Variants in MSI2 observed in about 807,000 individuals in gnomAD.
The protein encoded by MSI2 is musashi RNA binding protein 2.
A neutral mutation model predicts 45.6 loss-of-function variants in MSI2; 17 were observed. The observed-to-expected ratio is 0.37, with a 90% CI of 0.26 to 0.56. MSI2 has a LOEUF of 0.56. MSI2 is among the 20% of genes least tolerant of loss of function. The probability of loss-of-function intolerance (pLI) is 0.77; values close to 1 mark genes in which losing one functional copy is unlikely to be tolerated. For synonymous variants in MSI2, 156 were observed against 158.2 expected, an observed-to-expected ratio of 0.99 and a Z score of 0.11; for missense variants, 293 against 444.2, an observed-to-expected ratio of 0.66 and a Z score of 3.06.
At chr17:57,570,958 C>T (rs555983884) in intron 7 of MSI2, among the ~76,000 whole-genome samples, 9 of 152,284 alleles carry the variant, frequency 5.9e-5, no homozygotes, top group Admixed American at 1.3e-4. Flanking sequence ...GCAGCAGTGA[C>T]GGCCTCTGGG....
At chr17:57,299,064 C>A (rs1911215967) in intron 5 of MSI2, among the ~76,000 whole-genome samples, 1 of 152,214 alleles carries the variant, frequency 6.6e-6, no homozygotes, top group Admixed American at 6.5e-5. Context: ...TGGCTTCTTT[C>A]CTTAAATCTC....
chr17:57,438,229 C>A (rs1359814381), intron 6 of MSI2, among the ~76,000 whole-genome samples: 1 of 152,064 alleles, frequency 6.6e-6, no homozygotes, highest in Non-Finnish European at 1.5e-5. Flanking sequence ...GGATGGGGTC[C>A]CCACAGCAAG....
chr17:57,602,768 G>A (rs1208296847), intron 8 of MSI2, among the ~76,000 whole-genome samples: 2 of 152,208 alleles, frequency 1.3e-5, no homozygotes, highest in Non-Finnish European at 2.9e-5. Flanking sequence ...GTCTTGGAAT[G>A]AGAGGTCTGG....
intron 5 of MSI2, among the ~76,000 whole-genome samples, chr17:57,354,274 T>C (rs781586308): frequency 3.3e-5 from 5 of 152,118 alleles, no homozygotes; most frequent in Non-Finnish European, 7.4e-5. Flanking sequence ...GTGATGTTAG[T>C]TTTGGTGTGG....
chr17:57,424,417 C>G (rs1007512449), intron 6 of MSI2, among the ~76,000 whole-genome samples: 1 of 152,234 alleles, frequency 6.6e-6, no homozygotes, highest in Non-Finnish European at 1.5e-5. Context: ...TGGGGCTTAA[C>G]AGAGGCACAG....
At chr17:57,608,207 C>T (rs989284994) in intron 8 of MSI2, 1 of 152,554 alleles carries the variant, frequency 6.6e-6, no homozygotes, top group African/African-American at 2.4e-5. Flanking sequence ...CACCAACCCC[C>T]TAGCCCCTTA....
At chr17:57,452,158 C>T (rs1401331530) in intron 6 of MSI2, among the ~76,000 whole-genome samples, 1 of 152,206 alleles carries the variant, frequency 6.6e-6, no homozygotes, top group African/African-American at 2.4e-5. Context: ...CCAGTTTGGC[C>T]GGCTTCCCTA....
chr17:57,578,174 GA>G (rs1405261529), intron 7 of MSI2, among the ~76,000 whole-genome samples: 3 of 151,820 alleles, frequency 2.0e-5, no homozygotes, highest in African/African-American at 7.3e-5. Context: ...AAAGCTTTAA[GA>G]ATCTATAAAT....
intron 10 of MSI2, among the ~76,000 whole-genome samples, chr17:57,643,233 C>T (rs986862320): frequency 6.6e-6 from 1 of 152,194 alleles, no homozygotes; most frequent in Non-Finnish European, 1.5e-5. Context: ...TGGAGCACCC[C>T]CTACGAGTGG....
chr17:57,380,109 C>T lies in MSI2; in HGVS notation c.313-21270C>T, dbSNP rs141477929. Among the ~76,000 whole-genome samples the T allele has an allele frequency of 2.0e-5, 3 of 152,104 alleles. No individual in the cohort carries two copies. In the East Asian group the frequency reaches 5.8e-4, roughly 29 times the overall value. On this transcript the variant is annotated intron_variant, in intron 5 of 13. Coordinates refer to ENST00000284073, the MANE Select transcript of MSI2 (RefSeq NM_138962.4). Reference sequence around the variant, plus strand: ...GCTAGGGGGTGGGAGGAGGATGAACCCCAGCCAATGCCAGGATGACTGTTT... The same window carrying T: ...GCTAGGGGGTGGGAGGAGGATGAACTCCAGCCAATGCCAGGATGACTGTTT...
intron 6 of MSI2, among the ~76,000 whole-genome samples, chr17:57,409,154 T>C (rs1598229871): frequency 6.6e-6 from 1 of 152,224 alleles, no homozygotes; most frequent in East Asian, 1.9e-4. Context: ...AAAATGTTAA[T>C]ATGCAGGAAG....
intron 10 of MSI2, among the ~76,000 whole-genome samples, chr17:57,649,524 GACACACATACACTTAACACATACCCA>G (rs993917068): frequency 2.0e-5 from 3 of 151,582 alleles, no homozygotes; most frequent in African/African-American, 4.9e-5. Flanking sequence ...ACATACACCT[GACACACATACACTTAACACATACCCA>G]ACACACATAC....
In MSI2 at chr17:57,627,216, C is replaced by G. The variant is rs752318734; in HGVS notation, c.653-13C>G. ...GTACTAACAGGACTCTGATCTTTCTCTTTGTGTTCAAGGATATCCCAACTT... is the reference window on the plus strand; with the variant it reads ...GTACTAACAGGACTCTGATCTTTCTGTTTGTGTTCAAGGATATCCCAACTT... On this transcript the variant is annotated splice_polypyrimidine_tract_variant and intron_variant, in intron 9 of 13. Coordinates refer to ENST00000284073, the MANE Select transcript of MSI2 (RefSeq NM_138962.4). The surrounding 1 kb of genome is among the most constrained non-coding windows in gnomAD (Gnocchi z 4.6). 3 of 1,614,108 alleles carry G rather than the reference C, an allele frequency of 1.9e-6. No individual in the cohort carries two copies. In the South Asian group the frequency reaches 3.3e-5, roughly 18 times the overall value.
chr17:57,437,479 A>G (rs565842211), intron 6 of MSI2, among the ~76,000 whole-genome samples: 1 of 152,250 alleles, frequency 6.6e-6, no homozygotes, highest in South Asian at 2.1e-4. Context: ...AATAGGATGG[A>G]TTGGGGGTTG....
At chr17:57,502,829 A>G (rs1288156679) in intron 6 of MSI2, among the ~76,000 whole-genome samples, 1 of 151,644 alleles carries the variant, frequency 6.6e-6, no homozygotes, top group Non-Finnish European at 1.5e-5. Flanking sequence ...CTCTGACCTT[A>G]CAGCCCACCC....
At chr17:57,287,274 G>T (rs1909995411) in intron 5 of MSI2, among the ~76,000 whole-genome samples, 1 of 152,106 alleles carries the variant, frequency 6.6e-6, no homozygotes, top group Non-Finnish European at 1.5e-5. Flanking sequence ...GCTTCCCTCA[G>T]TGAACACCCA....
intron 6 of MSI2, among the ~76,000 whole-genome samples, chr17:57,513,956 A>G (rs889091809): frequency 2.0e-5 from 3 of 152,252 alleles, no homozygotes; most frequent in African/African-American, 7.2e-5. Context: ...TTCATGGGGC[A>G]TCATTATTGG....
chr17:57,327,238 C>T (rs1913874254), intron 5 of MSI2, among the ~76,000 whole-genome samples: 1 of 152,158 alleles, frequency 6.6e-6, no homozygotes, highest in African/African-American at 2.4e-5. Flanking sequence ...TGTGCCACTG[C>T]ACTCCAGCCT....
At chr17:57,383,322 C>T (rs75707263) in intron 5 of MSI2, among the ~76,000 whole-genome samples, 1 of 152,346 alleles carries the variant, frequency 6.6e-6, no homozygotes, top group East Asian at 1.9e-4. Context: ...TTTAAGGTGG[C>T]TGTTTGGAAC....
Sources: gnomAD v4.1 joint callset for allele counts (sites outside exome capture counted in the v4.1 genomes callset) on GRCh38, gnomAD v4.1.1 for gene constraint, Gnocchi (gnomAD v3.1) non-coding constraint, MANE v1.5 for transcripts, NCBI Gene and HGNC (gene_info 2026-07-23, HGNC 2026-07-21) for gene names.